Variants in BNC2 observed in about 807,000 individuals in gnomAD.
The protein encoded by BNC2 is basonuclin zinc finger protein 2.
BNC2 carries 20 observed loss-of-function variants against 76.3 expected under a neutral mutation model. The ratio of observed to expected loss-of-function variants is 0.26; its 90% CI spans 0.18 to 0.38. The LOEUF is 0.38. BNC2 is among the 10% of genes least tolerant of loss of function. BNC2 has a pLI of 1.00. For synonymous variants in BNC2, 582 were observed against 514.8 expected (o/e 1.13, Z -1.77); for missense variants, 1,382 against 1,399.8 (o/e 0.99, Z 0.20).
intron 1 of BNC2, among the ~76,000 whole-genome samples, chr9:16,841,221 T>C (rs568014117): frequency 1.3e-5 from 2 of 152,220 alleles, no homozygotes; most frequent in South Asian, 4.1e-4. Flanking sequence ...ACCCAAACTA[T>C]GTCTTATTGA....
At chr9:16,857,068 G>C (rs927747567) in intron 1 of BNC2, among the ~76,000 whole-genome samples, 5 of 152,090 alleles carry the variant, frequency 3.3e-5, no homozygotes, top group African/African-American at 1.2e-4. Context: ...ATAAAAAATA[G>C]AAAAGTAACA....
intron 1 of BNC2, among the ~76,000 whole-genome samples, chr9:16,747,896 T>G (rs1243564416): frequency 6.6e-6 from 1 of 152,246 alleles, no homozygotes; most frequent in African/African-American, 2.4e-5. Context: ...TATCCTTTCA[T>G]AGTTAGTTAT....
intron 3 of BNC2, among the ~76,000 whole-genome samples, chr9:16,646,173 T>A (rs1421566119): frequency 6.6e-6 from 1 of 152,170 alleles, no homozygotes; most frequent in East Asian, 1.9e-4. Flanking sequence ...CTTCTGAAGT[T>A]CAGGATGTGA....
intron 1 of BNC2, among the ~76,000 whole-genome samples, chr9:16,810,616 G>C (rs10810638): frequency 0.4 from 60,592 of 152,194 alleles, 16,101 homozygotes; most frequent in Non-Finnish European, 0.6. Flanking sequence ...ACAGGCATTG[G>C]TGGATGGTGA....
At position 16,435,746 on chromosome 9, in the gene BNC2, G is replaced by T. The variant is rs777619097; in HGVS notation, c.2448C>A (p.Ser816Arg). 1 of 1,613,966 alleles carries T rather than the reference G, an allele frequency of 6.2e-7. No individual in the cohort carries two copies. Among genetic ancestry groups the T allele is most frequent in the Non-Finnish European group, 8.5e-7 (1 of 1,180,022 alleles). Reference protein sequence around the residue: ...ESFTSSLNYGSPQKFSPEGDL... With the variant: ...ESFTSSLNYGRPQKFSPEGDL... Reference sequence around the variant, plus strand: ...CACCTTCTGGGGAGAACTTTTGAGGGCTGCCATAATTCAGAGACGATGTAA... The same window carrying T: ...CACCTTCTGGGGAGAACTTTTGAGGTCTGCCATAATTCAGAGACGATGTAA... The change falls in exon 6 of 7, where the codon AGC becomes AGA. Residue 816 changes from serine to arginine, a missense_variant. Ser to Arg is a moderately radical substitution (Grantham distance 110). Coordinates refer to ENST00000380672, the MANE Select transcript of BNC2 (RefSeq NM_017637.6).
At chr9:16,715,792 C>T (rs1425458351) in intron 3 of BNC2, among the ~76,000 whole-genome samples, 3 of 152,126 alleles carry the variant, frequency 2.0e-5, no homozygotes, top group Non-Finnish European at 4.4e-5. Context: ...GTTACCTCCA[C>T]ATGGCCCTTT....
At chr9:16,809,227 T>C (rs1322753672) in intron 1 of BNC2, among the ~76,000 whole-genome samples, 1 of 152,010 alleles carries the variant, frequency 6.6e-6, no homozygotes, top group Admixed American at 6.6e-5. Context: ...CTGTTGACAA[T>C]GAGATAAGAG....
intron 4 of BNC2, among the ~76,000 whole-genome samples, chr9:16,558,556 A>G (rs1818908644): frequency 6.6e-6 from 1 of 152,088 alleles, no homozygotes; most frequent in African/African-American, 2.4e-5. Flanking sequence ...CTCACTGTCT[A>G]CTTGAAGTCA....
Position 16,554,310 on chromosome 9 carries a change from C to A in BNC2, c.434-1545G>T, listed in dbSNP as rs181068254. Among the ~76,000 whole-genome samples the A allele has an allele frequency of 4.4e-3, 666 of 152,332 alleles. 6 individuals carry two copies. The highest frequency in any genetic ancestry group is 0.015 in the African/African-American group (635 of 41,574). Reference sequence around the variant, plus strand: ...TTTTTCAGGGCTCCTCCTCCACTCTCATTTCCTCCTGACTTGTGGTCACTA... The same window carrying A: ...TTTTTCAGGGCTCCTCCTCCACTCTAATTTCCTCCTGACTTGTGGTCACTA... On this transcript the variant is annotated intron_variant, in intron 4 of 6. Coordinates refer to ENST00000380672, the MANE Select transcript of BNC2 (RefSeq NM_017637.6).
chr9:16,839,908 T>A (rs1818788895), intron 1 of BNC2, among the ~76,000 whole-genome samples: 1 of 152,146 alleles, frequency 6.6e-6, no homozygotes, highest in Non-Finnish European at 1.5e-5. Flanking sequence ...CCCATGACAG[T>A]CACCAGAAAC....
chr9:16,757,388 C>T (rs1825416068), intron 1 of BNC2, among the ~76,000 whole-genome samples: 1 of 152,194 alleles, frequency 6.6e-6, no homozygotes, highest in Non-Finnish European at 1.5e-5. Flanking sequence ...TTTCTGGCTA[C>T]CATCAGTGTC....
At chr9:16,714,855 G>A (rs1241705280) in intron 3 of BNC2, among the ~76,000 whole-genome samples, 1 of 152,170 alleles carries the variant, frequency 6.6e-6, no homozygotes, top group Non-Finnish European at 1.5e-5. Flanking sequence ...TTTGCCTGGA[G>A]AATTTCAATT....
intron 1 of BNC2, among the ~76,000 whole-genome samples, chr9:16,748,723 G>C (rs1216157163): frequency 6.7e-6 from 1 of 149,760 alleles, no homozygotes; most frequent in Non-Finnish European, 1.5e-5. Context: ...GCCGCCTGTA[G>C]TCCCAGCTAC....
Position 16,463,093 on chromosome 9 carries a change from T to G in BNC2, c.670-25569A>C, listed in dbSNP as rs1157726725. Among the ~76,000 whole-genome samples the G allele has an allele frequency of 2.0e-5, 3 of 152,080 alleles. No individual in the cohort carries two copies. In the East Asian group the frequency reaches 5.8e-4, roughly 29 times the overall value. On this transcript the variant is annotated intron_variant, in intron 5 of 6. Transcript: ENST00000380672. ...GAAAGCAATGTTGTTCTGAAAGGTG[T>G]GCAGGGAGACTAGTACACTAAGAGT...
intron 1 of BNC2, among the ~76,000 whole-genome samples, chr9:16,770,124 C>A (rs1825795758): frequency 6.6e-6 from 1 of 152,158 alleles, no homozygotes; most frequent in Admixed American, 6.5e-5. Flanking sequence ...GCAGAGGAAA[C>A]TAACATAGTC....
At chr9:16,804,785 C>T (rs1050388853) in intron 1 of BNC2, among the ~76,000 whole-genome samples, 8 of 152,074 alleles carry the variant, frequency 5.3e-5, no homozygotes, top group East Asian at 3.9e-4. Context: ...GTGGAGAGGC[C>T]GGGTGCAGTG....
intron 3 of BNC2, among the ~76,000 whole-genome samples, chr9:16,708,423 GGAGTCGA>G (rs968366390): frequency 6.6e-6 from 1 of 152,158 alleles, no homozygotes; most frequent in Admixed American, 6.5e-5. Flanking sequence ...GGATTCATTT[GGAGTCGA>G]GAGATTGGCT....
At chr9:16,837,360 C>T (rs1313395275) in intron 1 of BNC2, among the ~76,000 whole-genome samples, 1 of 151,998 alleles carries the variant, frequency 6.6e-6, no homozygotes, top group Non-Finnish European at 1.5e-5. Flanking sequence ...AAAAATTAGC[C>T]GAGCGTGGTG....
intron 5 of BNC2, among the ~76,000 whole-genome samples, chr9:16,480,374 C>T (rs929117137): frequency 5.9e-5 from 9 of 152,354 alleles, no homozygotes; most frequent in East Asian, 1.9e-4. Flanking sequence ...CGCTCACTCT[C>T]GGCGCCTCCT....
Sources: gnomAD v4.1 joint callset for allele counts (sites outside exome capture counted in the v4.1 genomes callset) on GRCh38, gnomAD v4.1.1 for gene constraint, MANE v1.5 for transcripts, NCBI Gene and HGNC (gene_info 2026-07-23, HGNC 2026-07-21) for gene names.